Variants in CSMD3 observed in about 807,000 individuals in gnomAD.
CSMD3 encodes CUB and sushi domain-containing protein 3.
A neutral mutation model predicts 435.2 loss-of-function variants in CSMD3; 177 were observed. The observed-to-expected ratio is 0.41, with a 90% confidence interval of 0.36 to 0.46. CSMD3 has a LOEUF of 0.46. CSMD3 is among the 20% of genes least tolerant of loss of function. The pLI is 0.34. For synonymous variants in CSMD3, 1,656 were observed against 1,520.5 expected (o/e 1.09, Z -2.07); for missense variants, 4,265 against 4,504.6 (o/e 0.95, Z 1.52).
At chr8:113,268,230 C>CA in intron 3 of CSMD3, among the ~76,000 whole-genome samples, 1 of 151,956 alleles carries the variant, frequency 6.6e-6, no homozygotes, top group African/African-American at 2.4e-5. Context: ...GAGCACTCCC[C>CA]ACCCTTTGTT....
At chr8:113,260,879 C>T (rs550051555) in intron 3 of CSMD3, among the ~76,000 whole-genome samples, 53 of 152,260 alleles carry the variant, frequency 3.5e-4, no homozygotes, top group Non-Finnish European at 6.3e-4. Flanking sequence ...CCAGCTTCAT[C>T]CATGTCCCTG....
At chr8:112,342,973 A>ATATATATATATATT (rs1160236358) in intron 41 of CSMD3, among the ~76,000 whole-genome samples, 94 of 63,344 alleles carry the variant, frequency 1.5e-3, no homozygotes, top group Non-Finnish European at 3.1e-3. Context: ...GAAATGTATT[A>ATATATATATATATT]TATATATATA....
At chr8:112,485,614 T>G (rs1459936522) in intron 31 of CSMD3, among the ~76,000 whole-genome samples, 4 of 152,142 alleles carry the variant, frequency 2.6e-5, no homozygotes, top group Admixed American at 6.6e-5. Context: ...AAAAGTGTAG[T>G]TATTTATTTC....
At chr8:112,334,987 T>C (rs1475303567) in intron 45 of CSMD3, among the ~76,000 whole-genome samples, 1 of 152,162 alleles carries the variant, frequency 6.6e-6, no homozygotes, top group African/African-American at 2.4e-5. Context: ...AAACATTTTG[T>C]ATAGGAAAAA....
intron 3 of CSMD3, among the ~76,000 whole-genome samples, chr8:113,231,459 A>T (rs1457320344): frequency 6.6e-6 from 1 of 151,494 alleles, no homozygotes; most frequent in Non-Finnish European, 1.5e-5. Flanking sequence ...GCAAAATAGT[A>T]GCTCAAGTAC....
At chr8:112,642,214 A>G (rs527867608) in intron 20 of CSMD3, among the ~76,000 whole-genome samples, 1 of 152,274 alleles carries the variant, frequency 6.6e-6, no homozygotes, top group African/African-American at 2.4e-5. Context: ...ATGTAAAGTA[A>G]TAGGTGTGGA....
intron 5 of CSMD3, among the ~76,000 whole-genome samples, chr8:113,054,383 C>A (rs1423746793): frequency 6.6e-6 from 1 of 152,084 alleles, no homozygotes; most frequent in Non-Finnish European, 1.5e-5. Context: ...ACGTGTTTTT[C>A]TCATGAATAT....
chr8:112,578,803 T>C (rs779147506), intron 23 of CSMD3, among the ~76,000 whole-genome samples: 19 of 152,038 alleles, frequency 1.2e-4, no homozygotes, highest in Non-Finnish European at 2.8e-4. Context: ...ATAGACAATA[T>C]GCAAATGAAT....
rs192556592 is a variant in CSMD3, at chr8:112,702,591, G to A, written c.1973-12541C>T. On this transcript the variant is annotated intron_variant, in intron 13 of 70. Coordinates refer to ENST00000297405, the MANE Select transcript of CSMD3 (RefSeq NM_198123.2). ...TTTTGCACTTCTTTCCTACTTCCGG[G>A]GTGGGGGGTAAAGACTGATCCCCAT... Among the ~76,000 whole-genome samples, 272 of 152,100 alleles carry A rather than the reference G, an allele frequency of 1.8e-3. 1 individual carries two copies. The highest frequency in any genetic ancestry group is 6.3e-3 in the African/African-American group (262 of 41,502).
chr8:112,601,288 G>C (rs1027715704), intron 22 of CSMD3, among the ~76,000 whole-genome samples: 1 of 151,866 alleles, frequency 6.6e-6, no homozygotes, highest in Non-Finnish European at 1.5e-5. Flanking sequence ...TGCACTTCCC[G>C]GTGAAGTAAC....
intron 4 of CSMD3, among the ~76,000 whole-genome samples, chr8:113,144,281 G>T (rs1357037777): frequency 1.3e-5 from 2 of 151,182 alleles, no homozygotes; most frequent in Admixed American, 1.3e-4. Context: ...TCTGGTAATG[G>T]TATGTTTCCT....
At chr8:112,920,040 A>G (rs2082688604) in intron 10 of CSMD3, among the ~76,000 whole-genome samples, 1 of 151,914 alleles carries the variant, frequency 6.6e-6, no homozygotes, top group Non-Finnish European at 1.5e-5. Context: ...CAGAAACACC[A>G]TTATTAAAAA....
At chr8:113,223,973 T>C (rs1208662359) in intron 3 of CSMD3, among the ~76,000 whole-genome samples, 1 of 150,952 alleles carries the variant, frequency 6.6e-6, no homozygotes, top group African/African-American at 2.4e-5. Flanking sequence ...ATGAAAATGA[T>C]CATCCACATT....
At chr8:112,861,220 T>C (rs913333249) in intron 10 of CSMD3, among the ~76,000 whole-genome samples, 1 of 151,820 alleles carries the variant, frequency 6.6e-6, no homozygotes, top group Non-Finnish European at 1.5e-5. Flanking sequence ...TTTTCTAGAC[T>C]CCAACTTCTC....
chr8:112,748,269 C>G (rs2077486390), intron 13 of CSMD3, among the ~76,000 whole-genome samples: 1 of 152,076 alleles, frequency 6.6e-6, no homozygotes, highest in Admixed American at 6.5e-5. Flanking sequence ...CTCAGCAGTG[C>G]TCTTTGAATA....
At chr8:112,709,598 T>A (rs2076569047) in intron 13 of CSMD3, among the ~76,000 whole-genome samples, 1 of 152,098 alleles carries the variant, frequency 6.6e-6, no homozygotes, top group Admixed American at 6.6e-5. Context: ...TTTTATAAAA[T>A]TCTAGTCCTT....
intron 5 of CSMD3, among the ~76,000 whole-genome samples, chr8:113,019,847 G>A (rs2086619967): frequency 6.6e-6 from 1 of 151,988 alleles, no homozygotes; most frequent in Non-Finnish European, 1.5e-5. Context: ...TCTTATAAAT[G>A]TTCATGACTA....
intron 63 of CSMD3, among the ~76,000 whole-genome samples, chr8:112,250,504 A>T (rs7846229): frequency 0.13 from 19,127 of 151,548 alleles, 3,514 homozygotes; most frequent in African/African-American, 0.41. Flanking sequence ...TCAGTGATGA[A>T]CCCACTTAAT....
chr8:113,431,952 A>G (rs2094676440), intron 1 of CSMD3, among the ~76,000 whole-genome samples: 1 of 152,210 alleles, frequency 6.6e-6, no homozygotes. Context: ...ATGCTAATTA[A>G]TATCATGAAG....
Sources: allele counts gnomAD v4.1 joint callset (sites outside exome capture counted in the v4.1 genomes callset), GRCh38; gene constraint gnomAD v4.1.1; transcripts MANE v1.5; gene names NCBI Gene and HGNC (gene_info 2026-07-23, HGNC 2026-07-21).